The following ANK1 variants were observed in gnomAD, a reference collection of about 807,000 sequenced individuals.
ANK1 encodes ankyrin 1.
In ANK1, 51 loss-of-function variants were observed where a neutral mutation model predicts 210.4. That is an observed-to-expected ratio of 0.24 (90% confidence interval 0.19 to 0.31). The LOEUF (loss-of-function observed/expected upper bound fraction) is 0.31, where lower values mean the gene tolerates loss of function less well. Ranked by LOEUF, ANK1 falls within the 10% of genes least tolerant of loss-of-function variation. The pLI is 1.00. For missense variants in ANK1, 2,051 were observed against 2,504.4 expected, an observed-to-expected ratio of 0.82 and a Z score of 3.86; for synonymous variants, 967 against 1,025.9, an observed-to-expected ratio of 0.94 and a Z score of 1.10.
In ANK1 at chr8:41,672,910, A is replaced by G; in HGVS notation, c.4540T>C (p.Tyr1514His). 1 of 1,599,376 alleles carries G rather than the reference A, an allele frequency of 6.3e-7. No individual in the cohort carries two copies. Among genetic ancestry groups the G allele is most frequent in the African/African-American group, 1.3e-5 (1 of 75,040 alleles). Residue 1514 changes from tyrosine (Y) to histidine (H), a missense_variant and splice_region_variant, in exon 38 of 43, where the codon TAC (tyrosine) becomes CAC (histidine). This residue lies in a region of ANK1 where 496 missense variants were observed against 533.4 expected (regional missense o/e 0.93). Coordinates refer to ENST00000289734, the MANE Select transcript of ANK1 (RefSeq NM_000037.4). Reference sequence around the variant, plus strand: ...AGCAGCTCGTCCTGCAGTGAGGAGTAACCTGGATGGGCAGACAGAGGGCAA... The same window carrying G: ...AGCAGCTCGTCCTGCAGTGAGGAGTGACCTGGATGGGCAGACAGAGGGCAA... ...YSLSPSQMNG[Y>H]SSLQDELLSP...
At chr8:41,871,540 A>G (rs1815500570) in intron 1 of ANK1, among the ~76,000 whole-genome samples, 1 of 152,146 alleles carries the variant, frequency 6.6e-6, no homozygotes, top group African/African-American at 2.4e-5. Flanking sequence ...CCATACGAAG[A>G]AGATCGGGGG....
intron 39 of ANK1, among the ~76,000 whole-genome samples, chr8:41,666,563 G>A (rs979406778): frequency 3.3e-5 from 5 of 152,276 alleles, no homozygotes; most frequent in Admixed American, 6.5e-5. Flanking sequence ...CTGGGTCACA[G>A]TCATTTCAGG....
chr8:41,754,449 A>G (rs1838570844), intron 2 of ANK1, among the ~76,000 whole-genome samples: 1 of 152,204 alleles, frequency 6.6e-6, no homozygotes, highest in Non-Finnish European at 1.5e-5. Context: ...TCCTCTTTCC[A>G]CGCTACTTAG....
intron 1 of ANK1, among the ~76,000 whole-genome samples, chr8:41,864,371 G>A (rs1054920619): frequency 6.6e-5 from 10 of 152,124 alleles, no homozygotes; most frequent in African/African-American, 1.7e-4. Flanking sequence ...AAATGCCTGG[G>A]AGACTCTTTT....
At chr8:41,678,154 T>C (rs1814818857) in intron 37 of ANK1, among the ~76,000 whole-genome samples, 1 of 152,106 alleles carries the variant, frequency 6.6e-6, no homozygotes, top group Admixed American at 6.6e-5. Flanking sequence ...TCTTTTTCTT[T>C]TTTTTTGCGT....
At chr8:41,706,287 C>A (rs1376627390) in intron 17 of ANK1, 46 bp from the exon 18 acceptor site, 1 of 1,557,750 alleles carries the variant, frequency 6.4e-7, no homozygotes, top group South Asian at 1.1e-5. Flanking sequence ...GTAAAGAATT[C>A]CAGGCCACAA....
rs558684972 is a variant in ANK1 at position 41,666,254 on chromosome 8, A to G, written c.5394+2013T>C. The stretch of plus-strand genomic sequence containing the variant: ...TAATGGCAAACGCTTGTGATAGTGC[A>G]TGGTTCTATGTGGATTTCGCATTAA... On this transcript the variant is annotated intron_variant, in intron 39 of 42. Transcript: ENST00000289734. Among the ~76,000 whole-genome samples the G allele has an allele frequency of 2.9e-4, 44 of 152,300 alleles. No individual in the cohort carries two copies. In the South Asian group the frequency reaches 8.3e-3, roughly 29 times the overall value.
chr8:41,733,712 G>C (rs149138214), intron 3 of ANK1, among the ~76,000 whole-genome samples: 1,714 of 152,304 alleles, frequency 0.011, 26 homozygotes, highest in Non-Finnish European at 0.017. Context: ...CAAGGACCCT[G>C]AGAAAGTATA....
At chr8:41,877,626 G>A (rs1008532694) in intron 1 of ANK1, among the ~76,000 whole-genome samples, 8 of 152,216 alleles carry the variant, frequency 5.3e-5, no homozygotes, top group African/African-American at 1.9e-4. Flanking sequence ...GGAAGAGAGA[G>A]ACAGACAATA....
rs551958146 is a variant in ANK1, at chr8:41,793,844, A to C, written c.27+3668T>G. Among the ~76,000 whole-genome samples, 4 of 152,324 alleles carry C rather than the reference A, an allele frequency of 2.6e-5. No homozygotes were observed. In the South Asian group the frequency reaches 8.3e-4, roughly 32 times the overall value. On this transcript the variant is annotated intron_variant, in intron 1 of 42. Transcript: ENST00000289734. The stretch of plus-strand genomic sequence containing the variant: ...AAATATAACCAGTGGTAAATTATTA[A>C]GTAGGGAGCATCTATGGCACTATTT...
At position 41,891,130 on chromosome 8, in the gene ANK1, A is replaced by G. The variant is rs541474567; in HGVS notation, c.126+5225T>C. On this transcript the variant is annotated intron_variant, in intron 1 of 42. Coordinates refer to the ANK1 transcript ENST00000265709. ...GTTGGGCTTTGACATTGAAGGAGGA[A>G]GGAATCAATAACAGGATCACCTATT... 3.3e-5 allele frequency among the ~76,000 whole-genome samples: 5 copies of G among 152,344 alleles called. No homozygotes were observed. The South Asian group carries it at 1.0e-3, about 32-fold the overall frequency.
Position 41,714,474 on chromosome 8 carries a change from C to T in ANK1, c.1702-220G>A, listed in dbSNP as rs931947937. Among the ~76,000 whole-genome samples, 10 of 152,202 alleles carry T rather than the reference C, an allele frequency of 6.6e-5. 1 individual carries two copies. The South Asian group carries it at 1.5e-3, about 22-fold the overall frequency. Reference sequence around the variant, plus strand: ...GGGCAGTGAGATCAATACACTTGCCCGGAGAAGGCCATCGGGTCTTTCCAA... The same window carrying T: ...GGGCAGTGAGATCAATACACTTGCCTGGAGAAGGCCATCGGGTCTTTCCAA... On this transcript the variant is annotated intron_variant, in intron 15 of 42. Transcript: ENST00000289734.
intron 3 of ANK1, among the ~76,000 whole-genome samples, chr8:41,732,052 G>T (rs529081585): frequency 6.6e-6 from 1 of 152,212 alleles, no homozygotes. Flanking sequence ...ACCCATAAGT[G>T]CAATAAGATC....
chr8:41,887,433 A>G, intron 1 of ANK1, among the ~76,000 whole-genome samples: 1 of 151,398 alleles, frequency 6.6e-6, no homozygotes, highest in Non-Finnish European at 1.5e-5. Flanking sequence ...AAATTTTCTT[A>G]GTTTTTGTAG....
chr8:41,803,139 A>AAAGGAAAGG (rs1563811635), intron 1 of ANK1, among the ~76,000 whole-genome samples: 9 of 142,808 alleles, frequency 6.3e-5, no homozygotes, highest in African/African-American at 2.1e-4. Flanking sequence ...GAAAGGAAAG[A>AAAGGAAAGG]AAGGAAAGAA....
intron 39 of ANK1, chr8:41,665,323 G>C (rs551770894): frequency 1.5e-6 from 2 of 1,356,594 alleles, no homozygotes; most frequent in East Asian, 7.5e-5. Flanking sequence ...CAAACCAGCT[G>C]CCGGAGCTGT....
At chr8:41,744,878 G>A (rs920300936) in intron 2 of ANK1, among the ~76,000 whole-genome samples, 1 of 152,190 alleles carries the variant, frequency 6.6e-6, no homozygotes, top group Non-Finnish European at 1.5e-5. Context: ...TGGCCATATG[G>A]CCATGAGGCA....
chr8:41,781,213 T>A (rs946396020), intron 1 of ANK1, among the ~76,000 whole-genome samples: 4 of 152,080 alleles, frequency 2.6e-5, no homozygotes, highest in African/African-American at 9.7e-5. Context: ...TGGAGTGGGT[T>A]CCATCTGTGG....
intron 15 of ANK1, among the ~76,000 whole-genome samples, chr8:41,714,695 A>G (rs1309296286): frequency 6.6e-6 from 1 of 152,096 alleles, no homozygotes; most frequent in Non-Finnish European, 1.5e-5. Context: ...CCCTGTCTCT[A>G]TAATTGTTTT....
Sources: allele counts gnomAD v4.1 joint callset (sites outside exome capture counted in the v4.1 genomes callset), GRCh38; gene constraint gnomAD v4.1.1; regional missense constraint gnomAD v4.1.1; transcripts MANE v1.5; gene names NCBI Gene and HGNC (gene_info 2026-07-23, HGNC 2026-07-21).